The following RELL1 variants were observed in gnomAD, a reference collection of about 807,000 sequenced individuals.
The protein encoded by RELL1 is RELT like 1.
Under a neutral mutation model 23.0 loss-of-function variants are expected in RELL1, and 10 were observed. The ratio of observed to expected loss-of-function variants is 0.43; its 90% CI spans 0.27 to 0.74. RELL1 has a LOEUF of 0.74. Among genes scored for constraint, RELL1 ranks in the 30% least tolerant of loss-of-function variants. The probability of loss-of-function intolerance (pLI) is 0.19; values close to 1 mark genes in which losing one functional copy is unlikely to be tolerated. For synonymous variants in RELL1, 146 were observed against 146.8 expected, an observed-to-expected ratio of 0.99 and a Z score of 0.04; for missense variants, 315 against 364.4, an observed-to-expected ratio of 0.86 and a Z score of 1.10.
chr4:37,625,952 A>G (rs1199330488), intron 6 of RELL1, among the ~76,000 whole-genome samples: 2 of 152,196 alleles, frequency 1.3e-5, no homozygotes, highest in East Asian at 3.8e-4. Flanking sequence ...GAAATTTCTC[A>G]AAAGAAGACC....
intron 1 of RELL1, among the ~76,000 whole-genome samples, chr4:37,661,555 C>G (rs1296083096): frequency 6.6e-6 from 1 of 152,234 alleles, no homozygotes; most frequent in Non-Finnish European, 1.5e-5. Flanking sequence ...GCTAGGATTA[C>G]AGGCGTGAGC....
intron 1 of RELL1, among the ~76,000 whole-genome samples, chr4:37,655,923 T>C (rs1721100879): frequency 6.6e-6 from 1 of 152,206 alleles, no homozygotes; most frequent in Admixed American, 6.5e-5. Context: ...ATGGTGCCGC[T>C]GCTATGCTGG....
intron 1 of RELL1, among the ~76,000 whole-genome samples, chr4:37,672,143 G>A (rs1721856813): frequency 1.3e-5 from 2 of 151,992 alleles, no homozygotes; most frequent in Non-Finnish European, 1.5e-5. Flanking sequence ...AAAATCACTG[G>A]CTGTTGTTGA....
chr4:37,638,562 C>A, intron 3 of RELL1, 58 bp from the exon 4 acceptor site: 1 of 1,310,596 alleles, frequency 7.6e-7, no homozygotes, highest in Non-Finnish European at 1.1e-6. Flanking sequence ...TGAGTAATCA[C>A]ATCAGAAAAG....
chr4:37,653,310 C>T (rs1721013040), intron 1 of RELL1, among the ~76,000 whole-genome samples: 1 of 121,462 alleles, frequency 8.2e-6, no homozygotes, highest in Non-Finnish European at 1.9e-5. Flanking sequence ...CCCTCTTTCC[C>T]CTTGTATTGA....
chr4:37,624,580 C>T (rs189839799), intron 6 of RELL1, among the ~76,000 whole-genome samples: 122 of 151,864 alleles, frequency 8.0e-4, no homozygotes, highest in African/African-American at 2.5e-3. Context: ...CCCGCCACCA[C>T]GCCCGGCTAA....
At chr4:37,632,616 A>G (rs2109260251) in intron 5 of RELL1, among the ~76,000 whole-genome samples, 1 of 152,314 alleles carries the variant, frequency 6.6e-6, no homozygotes, top group African/African-American at 2.4e-5. Context: ...ACACACACGC[A>G]CACACATGCT....
intron 1 of RELL1, among the ~76,000 whole-genome samples, chr4:37,655,351 T>A (rs1464580622): frequency 6.6e-6 from 1 of 152,132 alleles, no homozygotes; most frequent in Non-Finnish European, 1.5e-5. Context: ...TACCTCAGAA[T>A]GTATTTGGAG....
rs1719350245 is a variant in RELL1 at position 37,610,859 on chromosome 4, A to C, written c.*2487T>G. ...GATTCCCTCATCCTTAGAAAGGAGG[A>C]GGAGTAACACAAGACCTGTAAACAT... On this transcript the variant is annotated 3_prime_UTR_variant, in exon 7 of 7. Transcript: ENST00000454158. The surrounding 1 kb of genome is among the most constrained non-coding windows in gnomAD (Gnocchi z 4.1). Among the ~76,000 whole-genome samples, 1 of 152,180 alleles carries C rather than the reference A, an allele frequency of 6.6e-6. No individual in the cohort carries two copies.
chr4:37,657,135 A>G lies in RELL1; in HGVS notation c.89-7635T>C, dbSNP rs186799792. Among the ~76,000 whole-genome samples the G allele has an allele frequency of 3.6e-3, 548 of 152,342 alleles. 4 individuals carry two copies. Among genetic ancestry groups the G allele is most frequent in the African/African-American group, 0.012 (518 of 41,570 alleles). On this transcript the variant is annotated intron_variant, in intron 1 of 6. Coordinates refer to ENST00000454158, the MANE Select transcript of RELL1 (RefSeq NM_001085400.2). ...TGGATTTTGCTCCCTGTTTCTCTGT[A>G]GTTTCCTGAAGTAAACATTCTTTAA...
intron 1 of RELL1, among the ~76,000 whole-genome samples, chr4:37,669,990 C>G (rs1721769884): frequency 6.7e-6 from 1 of 150,124 alleles, no homozygotes; most frequent in Non-Finnish European, 1.5e-5. Flanking sequence ...TGTCCTGTGA[C>G]CCTGCCAAAT....
At chr4:37,682,778 T>A (rs909315882) in intron 1 of RELL1, among the ~76,000 whole-genome samples, 1 of 152,204 alleles carries the variant, frequency 6.6e-6, no homozygotes, top group Non-Finnish European at 1.5e-5. Flanking sequence ...AAGCTTATCT[T>A]TAGTTTCTAA....
intron 6 of RELL1, among the ~76,000 whole-genome samples, chr4:37,625,913 A>G (rs920783053): frequency 6.6e-6 from 1 of 152,152 alleles, no homozygotes; most frequent in African/African-American, 2.4e-5. Flanking sequence ...AAATGTTAAA[A>G]AAATTGTAAT....
intron 1 of RELL1, among the ~76,000 whole-genome samples, chr4:37,652,804 GA>G (rs1486562819): frequency 3.3e-5 from 5 of 152,212 alleles, no homozygotes; most frequent in Non-Finnish European, 5.9e-5. Context: ...ATCGTGCCAT[GA>G]AAAAACTGAA....
At chr4:37,624,423 T>C (rs1013823322) in intron 6 of RELL1, among the ~76,000 whole-genome samples, 54 of 146,662 alleles carry the variant, frequency 3.7e-4, no homozygotes, top group African/African-American at 1.1e-3. Flanking sequence ...TCTTTCTTTT[T>C]TTTTTTTTTT....
intron 3 of RELL1, 151 bp from the exon 4 acceptor site, chr4:37,638,655 A>G (rs550536705): frequency 7.3e-5 from 45 of 613,958 alleles, no homozygotes; most frequent in Middle Eastern, 4.4e-4. Flanking sequence ...CTCCCCCAAC[A>G]TAACTGCATA....
intron 1 of RELL1, among the ~76,000 whole-genome samples, chr4:37,668,695 A>G (rs1044710547): frequency 1.3e-5 from 2 of 149,084 alleles, no homozygotes; most frequent in African/African-American, 5.0e-5. Context: ...GGATGTGAGG[A>G]GCCCCTCTGC....
chr4:37,620,391 CA>C (rs1719725925), intron 6 of RELL1, among the ~76,000 whole-genome samples: 2 of 152,206 alleles, frequency 1.3e-5, no homozygotes, highest in African/African-American at 2.4e-5. Flanking sequence ...AGCAACTGAA[CA>C]CTTGTGATTT....
chr4:37,628,447 C>G (rs1267517445), intron 6 of RELL1, among the ~76,000 whole-genome samples: 1 of 151,890 alleles, frequency 6.6e-6, no homozygotes, highest in Non-Finnish European at 1.5e-5. Context: ...TACAGAATAC[C>G]CAAAAAACTG....
Sources: gnomAD v4.1 joint callset for allele counts (sites outside exome capture counted in the v4.1 genomes callset) on GRCh38, gnomAD v4.1.1 for gene constraint, Gnocchi (gnomAD v3.1) non-coding constraint, MANE v1.5 for transcripts, NCBI Gene and HGNC (gene_info 2026-07-23, HGNC 2026-07-21) for gene names.